GAN: variants seen among roughly 807,000 people sequenced by gnomAD.
GAN encodes epididymis secretory sperm binding protein.
GAN carries 48 observed loss-of-function variants against 71.3 expected under a neutral mutation model. The observed-to-expected ratio is 0.67, with a 90% CI of 0.53 to 0.86. GAN has a LOEUF of 0.86. Ranked by LOEUF, GAN falls within the 40% of genes least tolerant of loss-of-function variation. The probability of loss-of-function intolerance (pLI) is 0.00; values close to 1 mark genes in which losing one functional copy is unlikely to be tolerated. For synonymous variants in GAN, 386 were observed against 276.8 expected (o/e 1.39, Z -3.92); for missense variants, 928 against 770.1 (o/e 1.21, Z -2.43).
chr16:81,335,951 C>T (rs150179261), intron 1 of GAN, among the ~76,000 whole-genome samples: 2 of 152,226 alleles, frequency 1.3e-5, no homozygotes, highest in East Asian at 3.9e-4. Flanking sequence ...CATGCGGGTT[C>T]CTGCCCTTCC....
chr16:81,351,792 T>G, intron 2 of GAN, 95 bp downstream of exon 2: 1 of 764,512 alleles, frequency 1.3e-6, no homozygotes, highest in Non-Finnish European at 2.4e-6. Flanking sequence ...AAAGTAGCAC[T>G]GTCATCTTCA....
At chr16:81,334,435 T>C (rs1172521364) in intron 1 of GAN, among the ~76,000 whole-genome samples, 1 of 152,194 alleles carries the variant, frequency 6.6e-6, no homozygotes, top group Non-Finnish European at 1.5e-5. Context: ...TCCTGACTTT[T>C]CACTACATTG....
intron 1 of GAN, among the ~76,000 whole-genome samples, chr16:81,344,087 A>G (rs954946792): frequency 2.0e-4 from 30 of 152,362 alleles, no homozygotes; most frequent in Admixed American, 1.4e-3. Flanking sequence ...GGAGAACTAC[A>G]AACCACTGCT....
chr16:81,322,802 C>A (rs558370124), intron 1 of GAN, among the ~76,000 whole-genome samples: 3 of 152,120 alleles, frequency 2.0e-5, no homozygotes, highest in African/African-American at 7.2e-5. Flanking sequence ...AAAATATTTG[C>A]ACTTTTGTCA....
chr16:81,365,693 T>G (rs188203725), intron 9 of GAN, among the ~76,000 whole-genome samples: 9 of 151,194 alleles, frequency 6.0e-5, no homozygotes, highest in Admixed American at 2.6e-4. Flanking sequence ...GTAGATGAGA[T>G]CTTGACGCTT....
chr16:81,357,498 G>C (rs1177519302), intron 4 of GAN, among the ~76,000 whole-genome samples: 1 of 152,120 alleles, frequency 6.6e-6, no homozygotes, highest in Non-Finnish European at 1.5e-5. Flanking sequence ...TCTTAATCCA[G>C]TCTATCAATG....
chr16:81,348,050 G>A (rs1017474539), intron 1 of GAN, among the ~76,000 whole-genome samples: 2 of 151,850 alleles, frequency 1.3e-5, no homozygotes, highest in African/African-American at 2.4e-5. Context: ...GTGGGGTGTC[G>A]CTGTGTTGCC....
chr16:81,329,285 T>A (rs960351189), intron 1 of GAN, among the ~76,000 whole-genome samples: 1 of 152,116 alleles, frequency 6.6e-6, no homozygotes. Flanking sequence ...CAAACGCATC[T>A]GTTAAAAGCA....
intron 1 of GAN, among the ~76,000 whole-genome samples, chr16:81,316,508 G>A (rs1909047984): frequency 1.3e-5 from 2 of 151,744 alleles, no homozygotes; most frequent in African/African-American, 4.8e-5. Context: ...CGGGGCGGCA[G>A]TAGGGTCTGG....
rs1329025499 is a variant in GAN at position 81,380,473 on chromosome 16, G to A, written c.*2877G>A. 11 of 152,288 alleles carry A rather than the reference G, an allele frequency of 7.2e-5. No individual in the cohort carries two copies. Among genetic ancestry groups the A allele is most frequent in the Admixed American group, 7.2e-4 (11 of 15,272 alleles). The allele number at this position is 152,288 out of a possible 1,614,324, so 9.4% of individuals were successfully genotyped here. ...CATATCCAAATTTAGATTTTTCAAA[G>A]ATTTAAGTGTTTATTGAAAGTGTTT... On this transcript the variant is annotated 3_prime_UTR_variant, in exon 11 of 11. Coordinates refer to ENST00000648994, the MANE Select transcript of GAN (RefSeq NM_022041.4).
At chr16:81,315,474 T>C (rs1476058930) in intron 1 of GAN, among the ~76,000 whole-genome samples, 194 bp downstream of exon 1, 1 of 151,886 alleles carries the variant, frequency 6.6e-6, no homozygotes, top group Non-Finnish European at 1.5e-5. Flanking sequence ...AGGCGGCCTC[T>C]GTGGCTTCCA....
intron 9 of GAN, among the ~76,000 whole-genome samples, chr16:81,376,462 CATATGTGTGTGTGTGT>C (rs1904279978): frequency 1.1e-5 from 1 of 93,778 alleles, no homozygotes; most frequent in African/African-American, 3.8e-5. Flanking sequence ...TTTATACATA[CATATGTGTGTGTGTGT>C]GTGTGTGTGT....
In GAN at chr16:81,375,946, G is replaced by A. The variant is rs145370754; in HGVS notation, c.1503-1273G>A. 2.7e-5 allele frequency among the ~76,000 whole-genome samples: 4 copies of A among 148,032 alleles called. No individual in the cohort carries two copies. In the East Asian group the frequency reaches 8.1e-4, roughly 30 times the overall value. On this transcript the variant is annotated intron_variant, in intron 9 of 10. Transcript: ENST00000648994. ...GATTGCACCACTGCACTCCAGCCTGGATGAGTGACAGAGTAAGACCCTGTC... is the reference window on the plus strand; with the variant it reads ...GATTGCACCACTGCACTCCAGCCTGAATGAGTGACAGAGTAAGACCCTGTC...
rs1375497441 is a variant in GAN at position 81,353,031 on chromosome 16, C to G, written c.282+1334C>G. ...TTGGGGCCGGGCGCGGTGGCTCACG[C>G]CTGTAATCCCAGCACTTTGGGAGGC... On this transcript the variant is annotated intron_variant, in intron 2 of 10. Coordinates refer to ENST00000648994, the MANE Select transcript of GAN (RefSeq NM_022041.4). Among the ~76,000 whole-genome samples, 7 of 152,332 alleles carry G rather than the reference C, an allele frequency of 4.6e-5. No homozygotes were observed. The South Asian group carries it at 1.0e-3, about 23-fold the overall frequency.
At chr16:81,363,977 T>C in intron 7 of GAN, 34 bp downstream of exon 7, 1 of 1,539,388 alleles carries the variant, frequency 6.5e-7, no homozygotes, top group South Asian at 1.1e-5. Flanking sequence ...CTAGTCTGTG[T>C]ACACATTGGA....
chr16:81,361,320 T>G (rs1159611517), intron 5 of GAN, among the ~76,000 whole-genome samples: 1 of 152,244 alleles, frequency 6.6e-6, no homozygotes, highest in Non-Finnish European at 1.5e-5. Flanking sequence ...ATTAAGGTCC[T>G]TCTACAGAAG....
At chr16:81,343,586 C>G (rs554699774) in intron 1 of GAN, among the ~76,000 whole-genome samples, 143 of 152,260 alleles carry the variant, frequency 9.4e-4, no homozygotes, top group African/African-American at 3.3e-3. Flanking sequence ...GGTAAAAACT[C>G]TCAATAAACT....
At chr16:81,328,961 T>A (rs918348737) in intron 1 of GAN, among the ~76,000 whole-genome samples, 1 of 152,194 alleles carries the variant, frequency 6.6e-6, no homozygotes, top group African/African-American at 2.4e-5. Context: ...GGCAGCAGGT[T>A]GTAATTTGTC....
intron 1 of GAN, among the ~76,000 whole-genome samples, chr16:81,320,906 TTTTC>T (rs896524167): frequency 4.6e-5 from 7 of 152,124 alleles, no homozygotes; most frequent in Non-Finnish European, 1.0e-4. Context: ...GTGATTTTCC[TTTTC>T]TTTTTTTTTT....
Sources: gnomAD v4.1 joint callset for allele counts (sites outside exome capture counted in the v4.1 genomes callset) on GRCh38, gnomAD v4.1.1 for gene constraint, MANE v1.5 for transcripts, NCBI Gene and HGNC (gene_info 2026-07-23, HGNC 2026-07-21) for gene names.